Variants in TSHZ2 observed in about 807,000 individuals in gnomAD.
TSHZ2 encodes the protein teashirt zinc finger homeobox 2.
Under a neutral mutation model 74.4 loss-of-function variants are expected in TSHZ2, and 21 were observed. That is an observed-to-expected ratio of 0.28 (90% confidence interval 0.20 to 0.41). The LOEUF (loss-of-function observed/expected upper bound fraction) is 0.41. TSHZ2 is among the 10% of genes least tolerant of loss of function. The probability of loss-of-function intolerance (pLI) is 1.00; values close to 1 mark genes in which losing one functional copy is unlikely to be tolerated. For synonymous variants in TSHZ2, 540 were observed against 515.3 expected, an observed-to-expected ratio of 1.05 and a Z score of -0.65; for missense variants, 1,244 against 1,293.5, an observed-to-expected ratio of 0.96 and a Z score of 0.59.
intron 2 of TSHZ2, among the ~76,000 whole-genome samples, chr20:53,341,357 G>A (rs1296984612): frequency 6.6e-6 from 1 of 152,182 alleles, no homozygotes; most frequent in Non-Finnish European, 1.5e-5. Context: ...AATAATCCCA[G>A]TTTGCCTGAG....
intron 1 of TSHZ2, among the ~76,000 whole-genome samples, chr20:52,976,859 C>T (rs577937595): frequency 1.3e-5 from 2 of 152,308 alleles, no homozygotes; most frequent in African/African-American, 4.8e-5. Context: ...CTTGCTGACT[C>T]TTAAAGGCTT....
chr20:53,052,505 G>T (rs1256276232), intron 1 of TSHZ2, among the ~76,000 whole-genome samples: 2 of 152,054 alleles, frequency 1.3e-5, no homozygotes, highest in Non-Finnish European at 2.9e-5. Flanking sequence ...TTCCTCCCCT[G>T]AGCCACCAGT....
At chr20:52,977,329 A>G (rs1216872468) in intron 1 of TSHZ2, among the ~76,000 whole-genome samples, 1 of 151,976 alleles carries the variant, frequency 6.6e-6, no homozygotes, top group African/African-American at 2.4e-5. Flanking sequence ...ATCCTTCAGA[A>G]AGACAAGTTC....
chr20:53,442,569 C>T (rs547453436), intron 2 of TSHZ2, among the ~76,000 whole-genome samples: 15 of 152,210 alleles, frequency 9.9e-5, no homozygotes, highest in East Asian at 9.7e-4. Context: ...CCCGTAATAT[C>T]GTAATGATAG....
intron 2 of TSHZ2, among the ~76,000 whole-genome samples, chr20:53,395,497 T>C (rs972139617): frequency 1.3e-5 from 2 of 152,220 alleles, no homozygotes; most frequent in African/African-American, 4.8e-5. Context: ...TAGCCAAATA[T>C]CTTCAATAAA....
chr20:53,178,152 C>T (rs1988388444), intron 1 of TSHZ2: 1 of 152,226 alleles, frequency 6.6e-6, no homozygotes. Flanking sequence ...CATTTCTGCG[C>T]TACCCTGCTG....
intron 1 of TSHZ2, among the ~76,000 whole-genome samples, chr20:53,234,082 C>A (rs896682530): frequency 6.6e-6 from 1 of 152,146 alleles, no homozygotes; most frequent in Non-Finnish European, 1.5e-5. Context: ...GCCTTTACTG[C>A]AAGTATTTCT....
chr20:53,459,288 A>G (rs1336526983), intron 2 of TSHZ2, among the ~76,000 whole-genome samples: 1 of 152,146 alleles, frequency 6.6e-6, no homozygotes, highest in Admixed American at 6.5e-5. Context: ...TTCTTGTTCA[A>G]TTGATCCCTT....
chr20:53,161,740 G>T (rs1261392426), intron 1 of TSHZ2, among the ~76,000 whole-genome samples: 1 of 152,180 alleles, frequency 6.6e-6, no homozygotes, highest in African/African-American at 2.4e-5. Flanking sequence ...CCAGGTACCT[G>T]CCTCAACACG....
intron 1 of TSHZ2, among the ~76,000 whole-genome samples, chr20:52,992,606 G>GA (rs991349743): frequency 6.6e-6 from 1 of 151,892 alleles, no homozygotes; most frequent in Non-Finnish European, 1.5e-5. Context: ...GAATGAAGGG[G>GA]AAAAAAATCT....
chr20:53,433,743 C>G (rs1054531017), intron 2 of TSHZ2, among the ~76,000 whole-genome samples: 3 of 152,190 alleles, frequency 2.0e-5, no homozygotes, highest in Non-Finnish European at 4.4e-5. Flanking sequence ...CTTTTCTCCC[C>G]AGTCTTTTCT....
At chr20:53,373,416 A>G (rs1350096826) in intron 2 of TSHZ2, among the ~76,000 whole-genome samples, 1 of 152,202 alleles carries the variant, frequency 6.6e-6, no homozygotes, top group South Asian at 2.1e-4. Context: ...TATCATTTGC[A>G]TTCCAAGCAT....
At chr20:53,260,005 CTT>C (rs1484844363) in intron 2 of TSHZ2, among the ~76,000 whole-genome samples, 1 of 152,140 alleles carries the variant, frequency 6.6e-6, no homozygotes, top group Admixed American at 6.5e-5. Flanking sequence ...CTTTCATCCT[CTT>C]TTCCCTCCTT....
chr20:53,315,983 G>A (rs1427290773), intron 2 of TSHZ2, among the ~76,000 whole-genome samples: 1 of 152,122 alleles, frequency 6.6e-6, no homozygotes. Context: ...CCAAGCAGAG[G>A]GAAGAACACA....
Position 53,306,587 on chromosome 20 carries a change from G to A in TSHZ2, c.*8+50016G>A, listed in dbSNP as rs934161625. On this transcript the variant is annotated intron_variant, in intron 2 of 2. Coordinates refer to ENST00000371497, the MANE Select transcript of TSHZ2 (RefSeq NM_173485.6). Reference sequence around the variant, plus strand: ...AGAGCCTGCATGAAACCTCGCGGAGGAAAAAAAAATAGTTAAATATTTAAA... The same window carrying A: ...AGAGCCTGCATGAAACCTCGCGGAGAAAAAAAAAATAGTTAAATATTTAAA... 4.6e-5 allele frequency among the ~76,000 whole-genome samples: 7 copies of A among 150,738 alleles called. No homozygotes were observed. In the East Asian group the frequency reaches 1.2e-3, roughly 25 times the overall value.
chr20:53,001,285 T>G (rs1002181249), intron 1 of TSHZ2, among the ~76,000 whole-genome samples: 1 of 131,742 alleles, frequency 7.6e-6, no homozygotes, highest in Admixed American at 7.6e-5. Flanking sequence ...TTTTTTTAAA[T>G]GCAGATGGTT....
chr20:53,209,310 C>T (rs764322169), intron 1 of TSHZ2, among the ~76,000 whole-genome samples: 17 of 152,132 alleles, frequency 1.1e-4, no homozygotes, highest in Non-Finnish European at 1.6e-4. Flanking sequence ...CTGTCTCGAA[C>T]TCCTGACCTC....
intron 2 of TSHZ2, among the ~76,000 whole-genome samples, chr20:53,472,448 G>C (rs894563577): frequency 6.6e-6 from 1 of 152,172 alleles, no homozygotes; most frequent in African/African-American, 2.4e-5. Context: ...GGAATACAGA[G>C]GGGTACAGAA....
chr20:52,984,654 C>T (rs968349215), intron 1 of TSHZ2, among the ~76,000 whole-genome samples: 1 of 152,092 alleles, frequency 6.6e-6, no homozygotes, highest in Non-Finnish European at 1.5e-5. Context: ...GGTGCAGGAG[C>T]AGAGTCAGGA....
Sources: allele counts gnomAD v4.1 joint callset (sites outside exome capture counted in the v4.1 genomes callset), GRCh38; gene constraint gnomAD v4.1.1; transcripts MANE v1.5; gene names NCBI Gene and HGNC (gene_info 2026-07-23, HGNC 2026-07-21).